Variants in RNF150 observed in about 807,000 individuals in gnomAD.
RNF150 encodes the protein ring finger protein 150.
In RNF150, 24 loss-of-function variants were observed where a neutral mutation model predicts 39.3. The observed-to-expected ratio is 0.61, with a 90% CI of 0.44 to 0.86. The LOEUF (loss-of-function observed/expected upper bound fraction) is 0.86, where lower values mean the gene tolerates loss of function less well. Ranked by LOEUF, RNF150 falls within the 40% of genes least tolerant of loss-of-function variation. The pLI is 0.00. For synonymous variants in RNF150, 255 were observed against 227.3 expected, an observed-to-expected ratio of 1.12 and a Z score of -1.10; for missense variants, 502 against 587.8, an observed-to-expected ratio of 0.85 and a Z score of 1.51.
chr4:141,076,011 G>A (rs1737882115), intron 1 of RNF150, among the ~76,000 whole-genome samples: 1 of 152,132 alleles, frequency 6.6e-6, no homozygotes, highest in South Asian at 2.1e-4. Context: ...TGATAGATAA[G>A]TGATCATACT....
chr4:141,089,017 C>T (rs1002924417), intron 1 of RNF150, among the ~76,000 whole-genome samples: 3 of 152,072 alleles, frequency 2.0e-5, no homozygotes, highest in Non-Finnish European at 4.4e-5. Context: ...ATTTTCTTGC[C>T]GACCTAACCT....
At chr4:140,945,242 A>G (rs1223741223) in intron 4 of RNF150, among the ~76,000 whole-genome samples, 1 of 152,182 alleles carries the variant, frequency 6.6e-6, no homozygotes, top group Non-Finnish European at 1.5e-5. Context: ...AGCAAGGGCT[A>G]ATGTACATTA....
chr4:140,958,088 T>C (rs984254404), intron 2 of RNF150, among the ~76,000 whole-genome samples: 3 of 152,100 alleles, frequency 2.0e-5, no homozygotes, highest in Non-Finnish European at 2.9e-5. Context: ...AAACACAGCA[T>C]AACCACTACT....
intron 1 of RNF150, among the ~76,000 whole-genome samples, chr4:140,984,005 G>C (rs1329701108): frequency 6.6e-6 from 1 of 152,114 alleles, no homozygotes; most frequent in Non-Finnish European, 1.5e-5. Flanking sequence ...ATCCCAAAGT[G>C]CTGAGATTAC....
chr4:141,115,891 A>C (rs1418743713), intron 1 of RNF150, among the ~76,000 whole-genome samples: 1 of 152,240 alleles, frequency 6.6e-6, no homozygotes, highest in African/African-American at 2.4e-5. Flanking sequence ...CACAATGGGG[A>C]CAGGATTCCC....
intron 1 of RNF150, among the ~76,000 whole-genome samples, chr4:141,044,564 T>G (rs1401121877): frequency 6.6e-6 from 1 of 152,154 alleles, no homozygotes; most frequent in African/African-American, 2.4e-5. Flanking sequence ...ATTTTAGAAG[T>G]GAAAAAGAAA....
intron 1 of RNF150, among the ~76,000 whole-genome samples, chr4:140,992,394 A>T (rs1479577424): frequency 6.6e-6 from 1 of 152,122 alleles, no homozygotes; most frequent in Non-Finnish European, 1.5e-5. Flanking sequence ...ATAATGAAAA[A>T]CAAAAATTAA....
intron 1 of RNF150, among the ~76,000 whole-genome samples, chr4:140,976,419 C>G (rs551439505): frequency 2.0e-5 from 3 of 152,078 alleles, no homozygotes; most frequent in Non-Finnish European, 4.4e-5. Flanking sequence ...TCAGTGTTTG[C>G]GAGGATGACC....
At chr4:141,138,898 C>T (rs1410464113) in intron 1 of RNF150, among the ~76,000 whole-genome samples, 1 of 152,034 alleles carries the variant, frequency 6.6e-6, no homozygotes, top group African/African-American at 2.4e-5. Context: ...TTTTAATATC[C>T]AAAAATATTT....
At position 140,869,254 on chromosome 4, in the gene RNF150, G is replaced by A. The variant is rs567266422; in HGVS notation, c.1199-875C>T. Among the ~76,000 whole-genome samples the A allele has an allele frequency of 7.2e-5, 11 of 152,274 alleles. No individual in the cohort carries two copies. In the East Asian group the frequency reaches 1.5e-3, roughly 21 times the overall value. On this transcript the variant is annotated intron_variant, in intron 6 of 6. Coordinates refer to ENST00000515673, the MANE Select transcript of RNF150 (RefSeq NM_020724.2). Reference sequence around the variant, plus strand: ...AGAATTTGTAGTTACATGAGAAGACGTTCACAGTATACTGTTAAGTGAAAA... The same window carrying A: ...AGAATTTGTAGTTACATGAGAAGACATTCACAGTATACTGTTAAGTGAAAA...
intron 6 of RNF150, among the ~76,000 whole-genome samples, chr4:140,887,513 A>C (rs569606595): frequency 9.8e-5 from 15 of 152,304 alleles, no homozygotes; most frequent in Non-Finnish European, 1.9e-4. Context: ...TTCCCTGGCT[A>C]TCATCCCACT....
At chr4:141,004,816 A>T (rs1734805063) in intron 1 of RNF150, among the ~76,000 whole-genome samples, 1 of 152,252 alleles carries the variant, frequency 6.6e-6, no homozygotes, top group African/African-American at 2.4e-5. Context: ...CTAGGAAGTT[A>T]ACAGAAGTTA....
intron 1 of RNF150, among the ~76,000 whole-genome samples, chr4:140,969,432 T>G (rs1435545713): frequency 6.6e-6 from 1 of 152,092 alleles, no homozygotes; most frequent in African/African-American, 2.4e-5. Context: ...GACGCGCCTT[T>G]TCTTTTCATT....
rs186641719 is a variant in RNF150 at position 140,920,982 on chromosome 4, A to G, written c.987+4995T>C. On this transcript the variant is annotated intron_variant, in intron 5 of 6. Coordinates refer to ENST00000515673, the MANE Select transcript of RNF150 (RefSeq NM_020724.2). ...TATTCTCACTCATAGGTGGGAATTGAACACTGAGAATACATGGACACAGGA... is the reference window on the plus strand; with the variant it reads ...TATTCTCACTCATAGGTGGGAATTGGACACTGAGAATACATGGACACAGGA... 1.5e-3 allele frequency among the ~76,000 whole-genome samples: 224 copies of G among 151,742 alleles called. 2 individuals are homozygous for G. Among genetic ancestry groups the G allele is most frequent in the African/African-American group, 5.1e-3 (212 of 41,388 alleles).
intron 1 of RNF150, among the ~76,000 whole-genome samples, chr4:141,073,407 C>A (rs975919127): frequency 1.3e-5 from 2 of 152,158 alleles, no homozygotes; most frequent in African/African-American, 4.8e-5. Flanking sequence ...CAGATCAACT[C>A]TTATCTGCTT....
chr4:141,051,279 C>G lies in RNF150; in HGVS notation c.484+81046G>C, dbSNP rs531365277. ...ATGTGAGGGGCTGCCATGAAGACCTCTGACATGCCCTGGAGACATTTTCCC... is the reference window on the plus strand; with the variant it reads ...ATGTGAGGGGCTGCCATGAAGACCTGTGACATGCCCTGGAGACATTTTCCC... On this transcript the variant is annotated intron_variant, in intron 1 of 6. Transcript: ENST00000515673. Among the ~76,000 whole-genome samples the G allele has an allele frequency of 3.9e-5, 6 of 152,328 alleles. No homozygotes were observed. In the East Asian group the frequency reaches 1.2e-3, roughly 29 times the overall value.
chr4:141,059,648 A>C (rs1273436233), intron 1 of RNF150, among the ~76,000 whole-genome samples: 1 of 152,154 alleles, frequency 6.6e-6, no homozygotes, highest in African/African-American at 2.4e-5. Flanking sequence ...AAAAAAATTT[A>C]GCTTTAGCTG....
At position 140,928,073 on chromosome 4, in the gene RNF150, G is replaced by C. The variant is rs141616719; in HGVS notation, c.891-2000C>G. Among the ~76,000 whole-genome samples the C allele has an allele frequency of 2.8e-3, 429 of 150,550 alleles. 17 individuals are homozygous for C. The highest frequency in any genetic ancestry group is 9.6e-3 in the African/African-American group (384 of 39,926). On this transcript the variant is annotated intron_variant, in intron 4 of 6. Transcript: ENST00000515673. ...CACTCATCCATTCACTCCTTTATCT[G>C]TGCATTCATGCAACAAGTAGTATAT... is the stretch of plus-strand genomic sequence containing the variant.
chr4:140,926,734 G>A (rs573099350), intron 4 of RNF150, among the ~76,000 whole-genome samples: 35 of 152,276 alleles, frequency 2.3e-4, no homozygotes, highest in Admixed American at 2.0e-4. Context: ...GGGGCATTTG[G>A]TGGCTACAGG....
Sources: gnomAD v4.1 joint callset for allele counts (sites outside exome capture counted in the v4.1 genomes callset) on GRCh38, gnomAD v4.1.1 for gene constraint, MANE v1.5 for transcripts, NCBI Gene and HGNC (gene_info 2026-07-23, HGNC 2026-07-21) for gene names.